NOXRED1: variants seen among roughly 807,000 people sequenced by gnomAD.
NOXRED1 encodes the protein NADP dependent oxidoreductase domain containing 1.
NOXRED1 carries 20 observed loss-of-function variants against 30.4 expected under a neutral mutation model. That is an observed-to-expected ratio of 0.66 (90% confidence interval 0.46 to 0.96). The LOEUF (loss-of-function observed/expected upper bound fraction) is 0.96. NOXRED1 is among the 40% of genes least tolerant of loss of function. NOXRED1 has a pLI of 0.00. For synonymous variants in NOXRED1, 155 were observed against 168.0 expected, an observed-to-expected ratio of 0.92 and a Z score of 0.60; for missense variants, 374 against 428.0, an observed-to-expected ratio of 0.87 and a Z score of 1.11.
rs117191775 is a variant in NOXRED1, at chr14:77,398,413, C to A, written c.906-3608G>T. Among the ~76,000 whole-genome samples, 1,060 of 152,284 alleles carry A rather than the reference C, an allele frequency of 7.0e-3. 18 individuals are homozygous for A. Among genetic ancestry groups the A allele is most frequent in the South Asian group, 0.037 (178 of 4,824 alleles). Reference sequence around the variant, plus strand: ...GAGAAACTATTTAACCAGAGCCAAACCTTCTGGGGTTTTATCTGAGCCTAA... The same window carrying A: ...GAGAAACTATTTAACCAGAGCCAAAACTTCTGGGGTTTTATCTGAGCCTAA... On this transcript the variant is annotated intron_variant, in intron 5 of 5. Transcript: ENST00000380835.
chr14:77,402,325 C>T (rs1894349926), intron 5 of NOXRED1, among the ~76,000 whole-genome samples: 1 of 152,216 alleles, frequency 6.6e-6, no homozygotes, highest in Non-Finnish European at 1.5e-5. Flanking sequence ...ACAAAGAACT[C>T]TTAAAATTCA....
Position 77,406,978 on chromosome 14 carries a change from C to G in NOXRED1, c.531-103G>C, listed in dbSNP as rs760152673. The G allele has an allele frequency of 2.1e-5, 21 of 1,000,140 alleles. 1 individual carries two copies. The highest frequency in any genetic ancestry group is 3.2e-5 in the Non-Finnish European group (21 of 661,192). 62.0% of individuals were successfully genotyped at this position (1,000,140 alleles called of 1,614,324 possible). A position where few individuals can be genotyped will look rare whatever the true frequency, so the allele number is the denominator to read the frequency against. Reference sequence around the variant, plus strand: ...AACCCCATCAACAGACTCCCCCACACAGCTCAGAGATAAATGCGGGTCTGG... The same window carrying G: ...AACCCCATCAACAGACTCCCCCACAGAGCTCAGAGATAAATGCGGGTCTGG... On this transcript the variant is annotated intron_variant, in intron 3 of 5. Coordinates refer to ENST00000380835, the MANE Select transcript of NOXRED1 (RefSeq NM_001113475.3).
intron 5 of NOXRED1, among the ~76,000 whole-genome samples, 175 bp from the exon 6 acceptor site, chr14:77,394,980 G>A (rs766751591): frequency 3.3e-5 from 5 of 152,070 alleles, no homozygotes; most frequent in South Asian, 2.1e-4. Flanking sequence ...AGATTTAAGT[G>A]TACTTAATGG....
intron 1 of NOXRED1, among the ~76,000 whole-genome samples, chr14:77,417,870 CCTT>C (rs1456080821): frequency 5.4e-5 from 8 of 148,398 alleles, no homozygotes; most frequent in Admixed American, 2.7e-4. Context: ...TCTCTTGCTG[CCTT>C]CTTTTGTATT....
chr14:77,416,229 T>C (rs1894816832), intron 1 of NOXRED1, among the ~76,000 whole-genome samples: 1 of 152,222 alleles, frequency 6.6e-6, no homozygotes, highest in East Asian at 1.9e-4. Flanking sequence ...GGGATTTTGA[T>C]AAGGATTGCA....
intron 1 of NOXRED1, among the ~76,000 whole-genome samples, chr14:77,417,646 A>C (rs1486227050): frequency 3.3e-5 from 5 of 152,226 alleles, no homozygotes; most frequent in Admixed American, 3.3e-4. Context: ...TCTGACTTTC[A>C]GCCTATATGT....
In NOXRED1 at chr14:77,423,087, G is replaced by A. The variant is rs570448836; in HGVS notation, c.-198C>T. Reference sequence around the variant, plus strand: ...TCACCTCTCTTGAATTCACACTCTAGAGTGTGAGTGTTTGAGGATTCCTAA... The same window carrying A: ...TCACCTCTCTTGAATTCACACTCTAAAGTGTGAGTGTTTGAGGATTCCTAA... On this transcript the variant is annotated 5_prime_UTR_variant, in exon 1 of 6. Transcript: ENST00000380835. 6.0e-5 allele frequency: 32 copies of A among 537,388 alleles called. No homozygotes were observed. The South Asian group carries it at 8.2e-4, about 14-fold the overall frequency. 33.3% of individuals were successfully genotyped at this position (537,388 alleles called of 1,614,324 possible).
At chr14:77,422,021 G>A (rs1379938258) in intron 1 of NOXRED1, among the ~76,000 whole-genome samples, 1 of 152,104 alleles carries the variant, frequency 6.6e-6, no homozygotes, top group Non-Finnish European at 1.5e-5. Flanking sequence ...CTGCCTCCTT[G>A]GACATGTGCT....
rs371595572 is a variant in NOXRED1 at position 77,407,609 on chromosome 14, T to C, written c.386A>G (p.His129Arg). Residue 129 changes from histidine (H) to arginine (R), a missense_variant, in exon 3 of 6, where the codon CAT (histidine) becomes CGT (arginine). By Grantham distance (29) the His-to-Arg change is conservative. Coordinates refer to ENST00000380835, the MANE Select transcript of NOXRED1 (RefSeq NM_001113475.3). ...LQKLGIKCFY[H>R]NADLVSWADV... is the part of the protein sequence containing the mutation. ...GGCCCAACTCACCAGATCAGCGTTA[T>C]GGTAAAAGCATTTGATTCCCAGCTT... 1.5e-5 allele frequency: 25 copies of C among 1,614,026 alleles called. No individual in the cohort carries two copies. Among genetic ancestry groups the C allele is most frequent in the Non-Finnish European group, 1.9e-5 (23 of 1,180,022 alleles).
At chr14:77,403,092 T>C (rs1400507981) in intron 5 of NOXRED1, among the ~76,000 whole-genome samples, 1 of 151,978 alleles carries the variant, frequency 6.6e-6, no homozygotes, top group African/African-American at 2.4e-5. Flanking sequence ...GTTTACAACA[T>C]TAATTAAATA....
Position 77,416,600 on chromosome 14 carries a change from C to T in NOXRED1, c.156-2473G>A, listed in dbSNP as rs552231300. Among the ~76,000 whole-genome samples, 207 of 152,312 alleles carry T rather than the reference C, an allele frequency of 1.4e-3. 1 individual carries two copies. The highest frequency in any genetic ancestry group is 4.1e-3 in the South Asian group (20 of 4,820). On this transcript the variant is annotated intron_variant, in intron 1 of 5. Coordinates refer to ENST00000380835, the MANE Select transcript of NOXRED1 (RefSeq NM_001113475.3). The stretch of plus-strand genomic sequence containing the variant: ...AAAATGAAAAGTCTCCCATGTCTAC[C>T]TCTTTCTACACAGACACGGCAACCA...
chr14:77,414,372 G>C (rs1272160384), intron 1 of NOXRED1, among the ~76,000 whole-genome samples: 4 of 151,922 alleles, frequency 2.6e-5, no homozygotes, highest in Non-Finnish European at 4.4e-5. Context: ...GTAGAAACAG[G>C]GTTTCACTGT....
chr14:77,394,537 G>T lies in NOXRED1; in HGVS notation c.*94C>A. The stretch of plus-strand genomic sequence containing the variant: ...TCTATCATGTGGCAAACACAATACA[G>T]CCACAAGACTCCCACAGTCAATTGT... On this transcript the variant is annotated 3_prime_UTR_variant, in exon 6 of 6. Transcript: ENST00000380835. The T allele has an allele frequency of 1.1e-6, 1 of 881,936 alleles. No homozygotes were observed. Among genetic ancestry groups the T allele is most frequent in the Non-Finnish European group, 1.8e-6 (1 of 557,748 alleles). 54.6% of individuals were successfully genotyped at this position (881,936 alleles called of 1,614,324 possible).
chr14:77,413,957 G>C lies in NOXRED1; in HGVS notation c.326C>G (p.Ser109Cys). The C allele has an allele frequency of 6.3e-7, 1 of 1,596,006 alleles. No homozygotes were observed. Among genetic ancestry groups the C allele is most frequent in the East Asian group, 2.3e-5 (1 of 44,296 alleles). Residue 109 changes from serine (S) to cysteine (C), a missense_variant, in exon 2 of 6, where the codon TCC becomes TGC. Transcript: ENST00000380835. ...GPIPAESLRISTRRPETLGEL... is the reference protein window; with the variant it reads ...GPIPAESLRICTRRPETLGEL... Reference sequence around the variant, plus strand: ...ACCCAGAGTCTCTGGCCTCCGAGTGGAGATCCGCAGGCTTTCAGCAGGGAT... The same window carrying C: ...ACCCAGAGTCTCTGGCCTCCGAGTGCAGATCCGCAGGCTTTCAGCAGGGAT...
chr14:77,407,344 T>G, intron 3 of NOXRED1, 121 bp downstream of exon 3: 3 of 721,132 alleles, frequency 4.2e-6, no homozygotes, highest in Non-Finnish European at 7.1e-6. Flanking sequence ...AGCTGCTTCC[T>G]CCTTATTACT....
At chr14:77,420,201 T>G (rs1894950402) in intron 1 of NOXRED1, among the ~76,000 whole-genome samples, 1 of 152,168 alleles carries the variant, frequency 6.6e-6, no homozygotes, top group Non-Finnish European at 1.5e-5. Flanking sequence ...TTCAAATAAC[T>G]GGTCTTCAAA....
At chr14:77,398,775 C>G (rs1332697731) in intron 5 of NOXRED1, among the ~76,000 whole-genome samples, 1 of 152,030 alleles carries the variant, frequency 6.6e-6, no homozygotes, top group Non-Finnish European at 1.5e-5. Flanking sequence ...TCGAAACCAG[C>G]CTGGCCAACA....
Position 77,412,472 on chromosome 14 carries a change from C to T in NOXRED1, c.349+1462G>A, listed in dbSNP as rs1008979146. Among the ~76,000 whole-genome samples the T allele has an allele frequency of 2.6e-5, 4 of 152,088 alleles. No individual in the cohort carries two copies. The East Asian group carries it at 7.7e-4, about 29-fold the overall frequency. ...TGTGCTCAAAGCCTGCTGGGGTAAC[C>T]TTCTACTGTGGGAAAGTGGAGGGGC... On this transcript the variant is annotated intron_variant, in intron 2 of 5. Transcript: ENST00000380835.
At chr14:77,417,509 T>C (rs769168506) in intron 1 of NOXRED1, among the ~76,000 whole-genome samples, 7 of 152,274 alleles carry the variant, frequency 4.6e-5, no homozygotes, top group Non-Finnish European at 8.8e-5. Context: ...AATTGGTCTT[T>C]TTATCATCAT....
Sources: allele counts gnomAD v4.1 joint callset (sites outside exome capture counted in the v4.1 genomes callset), GRCh38; gene constraint gnomAD v4.1.1; transcripts MANE v1.5; gene names NCBI Gene and HGNC (gene_info 2026-07-23, HGNC 2026-07-21).